NRG3: variants seen among roughly 807,000 people sequenced by gnomAD.
NRG3 encodes the protein pro-neuregulin-3, membrane-bound isoform.
Under a neutral mutation model 66.9 loss-of-function variants are expected in NRG3, and 31 were observed. That is an observed-to-expected ratio of 0.46 (90% confidence interval 0.35 to 0.63). NRG3 has a LOEUF of 0.63. Ranked by LOEUF, NRG3 falls within the 20% of genes least tolerant of loss-of-function variation. The pLI is 0.00. For missense variants in NRG3, 910 were observed against 878.9 expected (o/e 1.04, Z -0.45); for synonymous variants, 393 against 359.4 (o/e 1.09, Z -1.06).
chr10:81,890,318 A>C (rs1415691800), intron 1 of NRG3, among the ~76,000 whole-genome samples: 5 of 152,210 alleles, frequency 3.3e-5, no homozygotes, highest in Non-Finnish European at 7.4e-5. Context: ...TGCCGAATCC[A>C]TTTAACATTT....
At chr10:82,828,317 C>T (rs892839314) in intron 3 of NRG3, among the ~76,000 whole-genome samples, 1 of 152,212 alleles carries the variant, frequency 6.6e-6, no homozygotes, top group Admixed American at 6.6e-5. Flanking sequence ...TATTTTCTAA[C>T]ATTGCTTACT....
intron 1 of NRG3, among the ~76,000 whole-genome samples, chr10:81,902,026 C>T (rs575029033): frequency 5.3e-5 from 8 of 152,246 alleles, no homozygotes; most frequent in East Asian, 1.9e-4. Flanking sequence ...GTAACTTTCA[C>T]GGATTTCAGA....
At position 82,924,028 on chromosome 10, in the gene NRG3, G is replaced by A. The variant is rs1222006593; in HGVS notation, c.1055-27441G>A. ...CACGAGAATTGCTTGAAGCCAGGAG[G>A]CAGTGAGCCGAGATCATGCCAGTGT... On this transcript the variant is annotated intron_variant, in intron 4 of 8. Coordinates refer to ENST00000372141, the MANE Select transcript of NRG3 (RefSeq NM_001010848.4). Among the ~76,000 whole-genome samples, 4 of 147,728 alleles carry A rather than the reference G, an allele frequency of 2.7e-5. No homozygotes were observed. In the East Asian group the frequency reaches 6.0e-4, roughly 22 times the overall value.
chr10:82,429,295 G>T (rs2089647200), intron 2 of NRG3, among the ~76,000 whole-genome samples: 1 of 151,950 alleles, frequency 6.6e-6, no homozygotes, highest in Non-Finnish European at 1.5e-5. Flanking sequence ...ACTTTAACTA[G>T]TGCTTTTATT....
rs71469930 is a variant in NRG3, at chr10:82,649,459, CTTTTTTTTT to C, written c.954-89099_954-89091del. 1.3e-3 allele frequency among the ~76,000 whole-genome samples: 63 copies of C among 48,800 alleles called. 1 individual carries two copies. The highest frequency in any genetic ancestry group is 0.011 in the South Asian group (7 of 638). The allele number at this position is 48,800 out of a possible 152,430, so 32.0% of individuals were successfully genotyped here. On this transcript the variant is annotated intron_variant, in intron 2 of 8. Coordinates refer to ENST00000372141, the MANE Select transcript of NRG3 (RefSeq NM_001010848.4). ...GCAGTATTGTGCTTTCTGGTGCAGG[CTTTTTTTTT>C]TTTTTTTTTTTTTTTTTTCTGAGAC...
chr10:82,244,096 A>C (rs950892681), intron 1 of NRG3, among the ~76,000 whole-genome samples: 2 of 152,208 alleles, frequency 1.3e-5, no homozygotes, highest in Non-Finnish European at 2.9e-5. Context: ...TGTTCTTTTC[A>C]TCATCAACAG....
At chr10:82,461,113 C>A (rs1362980533) in intron 2 of NRG3, among the ~76,000 whole-genome samples, 1 of 151,980 alleles carries the variant, frequency 6.6e-6, no homozygotes, top group Admixed American at 6.6e-5. Context: ...TCAAAATCAT[C>A]ACCATTACCA....
chr10:82,675,014 CA>C (rs1420079348), intron 2 of NRG3, among the ~76,000 whole-genome samples: 1 of 151,556 alleles, frequency 6.6e-6, no homozygotes, highest in East Asian at 1.9e-4. Flanking sequence ...GGCTGGAGTG[CA>C]ATGGCGCGCC....
At chr10:82,522,609 C>T (rs1321461059) in intron 2 of NRG3, among the ~76,000 whole-genome samples, 4 of 151,706 alleles carry the variant, frequency 2.6e-5, no homozygotes, top group Admixed American at 6.6e-5. Context: ...CCACAGTACA[C>T]GTGCTCAATA....
intron 2 of NRG3, among the ~76,000 whole-genome samples, chr10:82,426,364 T>G (rs1286156750): frequency 1.3e-5 from 2 of 152,104 alleles, no homozygotes; most frequent in African/African-American, 4.8e-5. Context: ...TGACTGTTGT[T>G]GTCTCCAATA....
chr10:82,124,669 A>T (rs2068310783), intron 1 of NRG3, among the ~76,000 whole-genome samples: 1 of 151,594 alleles, frequency 6.6e-6, no homozygotes, highest in African/African-American at 2.4e-5. Context: ...CCACCATGGC[A>T]CAGGTATACC....
chr10:81,876,826 A>G (rs76756005), intron 1 of NRG3, among the ~76,000 whole-genome samples: 6,772 of 152,116 alleles, frequency 0.045, 170 homozygotes, highest in African/African-American at 0.049. Flanking sequence ...GGCCATTCCA[A>G]GGTGTAGACA....
At chr10:82,286,098 A>G (rs2079402472) in intron 1 of NRG3, among the ~76,000 whole-genome samples, 1 of 152,172 alleles carries the variant, frequency 6.6e-6, no homozygotes. Flanking sequence ...TCAGTTTTTT[A>G]TACCTTTATG....
chr10:82,403,261 A>C (rs2087246317), intron 2 of NRG3, among the ~76,000 whole-genome samples: 1 of 152,122 alleles, frequency 6.6e-6, no homozygotes, highest in Non-Finnish European at 1.5e-5. Context: ...AAACCTTGTA[A>C]ATCCTTTCAC....
At chr10:82,173,206 G>T (rs1042306246) in intron 1 of NRG3, among the ~76,000 whole-genome samples, 2 of 152,084 alleles carry the variant, frequency 1.3e-5, no homozygotes, top group African/African-American at 4.8e-5. Flanking sequence ...AGTGAAATAG[G>T]CTGTAAAAGA....
intron 2 of NRG3, among the ~76,000 whole-genome samples, chr10:82,389,460 C>G (rs12266006): frequency 0.058 from 8,842 of 152,242 alleles, 355 homozygotes; most frequent in East Asian, 0.22. Flanking sequence ...ATGCATTACT[C>G]TCATTTATTC....
At chr10:82,137,885 A>G (rs1265572330) in intron 1 of NRG3, among the ~76,000 whole-genome samples, 2 of 152,208 alleles carry the variant, frequency 1.3e-5, no homozygotes, top group Admixed American at 1.3e-4. Flanking sequence ...GAATGCTAAC[A>G]TGCCCTTAGT....
At chr10:82,563,498 A>AT (rs1336662611) in intron 2 of NRG3, among the ~76,000 whole-genome samples, 3 of 151,912 alleles carry the variant, frequency 2.0e-5, no homozygotes, top group Non-Finnish European at 4.4e-5. Context: ...ATTTTTTCTA[A>AT]TTTTTTATAC....
At chr10:82,639,179 A>G (rs746133465) in intron 2 of NRG3, among the ~76,000 whole-genome samples, 6 of 152,178 alleles carry the variant, frequency 3.9e-5, no homozygotes, top group Non-Finnish European at 5.9e-5. Flanking sequence ...TTAATAAACA[A>G]TAGAAGTTTT....
Sources: gnomAD v4.1 joint callset for allele counts (sites outside exome capture counted in the v4.1 genomes callset) on GRCh38, gnomAD v4.1.1 for gene constraint, MANE v1.5 for transcripts, NCBI Gene and HGNC (gene_info 2026-07-23, HGNC 2026-07-21) for gene names.